The following EXOC4 variants were observed in gnomAD, a reference collection of about 807,000 sequenced individuals.
EXOC4 encodes the protein exocyst complex component 4.
EXOC4 carries 71 observed loss-of-function variants against 107.2 expected under a neutral mutation model. That is an observed-to-expected ratio of 0.66 (90% CI 0.55 to 0.81). The LOEUF (loss-of-function observed/expected upper bound fraction) is 0.81, where lower values mean the gene tolerates loss of function less well. Among genes scored for constraint, EXOC4 ranks in the 30% least tolerant of loss-of-function variants. The probability of loss-of-function intolerance (pLI) is 0.00; values close to 1 mark genes in which losing one functional copy is unlikely to be tolerated. For synonymous variants in EXOC4, 456 were observed against 441.2 expected (o/e 1.03, Z -0.42); for missense variants, 1,108 against 1,189.6 (o/e 0.93, Z 1.01).
chr7:133,259,427 A>T (rs1406633817), intron 1 of EXOC4, among the ~76,000 whole-genome samples: 1 of 151,960 alleles, frequency 6.6e-6, no homozygotes, highest in Non-Finnish European at 1.5e-5. Context: ...GGGTTTCACC[A>T]TGTTGGCCAG....
intron 5 of EXOC4, among the ~76,000 whole-genome samples, chr7:133,343,444 T>G (rs1276532510): frequency 2.0e-5 from 3 of 152,060 alleles, no homozygotes; most frequent in Non-Finnish European, 4.4e-5. Flanking sequence ...ACCTGGCTAA[T>G]TTTTGTATTT....
chr7:133,842,899 C>T (rs1318224996), intron 11 of EXOC4, among the ~76,000 whole-genome samples: 3 of 152,078 alleles, frequency 2.0e-5, no homozygotes, highest in African/African-American at 4.8e-5. Context: ...AATAGGGAGT[C>T]CATTCAATAA....
At chr7:133,705,020 T>G (rs1243853983) in intron 10 of EXOC4, among the ~76,000 whole-genome samples, 2 of 152,210 alleles carry the variant, frequency 1.3e-5, no homozygotes, top group Non-Finnish European at 2.9e-5. Context: ...AGTTAAGAAC[T>G]TTTACCTTTT....
Position 133,586,535 on chromosome 7 carries a change from G to A in EXOC4, c.1418-43510G>A, listed in dbSNP as rs903959060. 5.9e-5 allele frequency among the ~76,000 whole-genome samples: 9 copies of A among 152,152 alleles called. 1 individual carries two copies. The highest frequency in any genetic ancestry group is 2.2e-4 in the African/African-American group (9 of 41,424). On this transcript the variant is annotated intron_variant, in intron 9 of 17. Transcript: ENST00000253861. ...TCTACCATTGATGGACATTTAGGTT[G>A]ATTCCAGGAATGTCTTTGCTTTTGT...
intron 9 of EXOC4, among the ~76,000 whole-genome samples, chr7:133,595,079 A>C (rs1179993225): frequency 1.3e-5 from 2 of 152,114 alleles, no homozygotes; most frequent in African/African-American, 4.8e-5. Context: ...CAAGGAAACC[A>C]GTGTGGATGG....
In EXOC4 at chr7:133,475,445, C is replaced by A. The variant is rs780903574; in HGVS notation, c.1300C>A (p.Pro434Thr). 3.1e-6 allele frequency: 5 copies of A among 1,613,900 alleles called. No homozygotes were observed. In the East Asian group the frequency reaches 1.1e-4, roughly 36 times the overall value. Residue 434 changes from proline (P) to threonine (T), a missense_variant, in exon 8 of 18, where the codon CCT becomes ACT. Pro to Thr is a conservative substitution (Grantham distance 38, BLOSUM62 -1). Coordinates refer to ENST00000253861, the MANE Select transcript of EXOC4 (RefSeq NM_021807.4). ...EFAAFFAKKK[P>T]QRPKNSLFKF... Reference sequence around the variant, plus strand: ...TGCAGCCTTTTTTGCCAAGAAGAAACCTCAAAGGCCAAAAAATTCTCTTTT... The same window carrying A: ...TGCAGCCTTTTTTGCCAAGAAGAAAACTCAAAGGCCAAAAAATTCTCTTTT...
chr7:133,990,752 C>T (rs1794235542), intron 14 of EXOC4, among the ~76,000 whole-genome samples: 1 of 152,166 alleles, frequency 6.6e-6, no homozygotes, highest in Non-Finnish European at 1.5e-5. Flanking sequence ...CTGTGCCCCA[C>T]CAGGATTTTA....
chr7:133,306,716 C>T (rs1011457765), intron 4 of EXOC4, among the ~76,000 whole-genome samples: 7 of 151,272 alleles, frequency 4.6e-5, no homozygotes, highest in East Asian at 3.9e-4. Context: ...AAAAAAAAGA[C>T]AAAAAGAAAT....
chr7:133,386,032 GTTTT>G (rs559670925), intron 7 of EXOC4, among the ~76,000 whole-genome samples: 1 of 146,232 alleles, frequency 6.8e-6, no homozygotes, highest in Non-Finnish European at 1.5e-5. Context: ...AGGATTTCAA[GTTTT>G]TTTTTTTTAC....
intron 9 of EXOC4, among the ~76,000 whole-genome samples, chr7:133,539,639 G>T (rs1314398304): frequency 6.6e-6 from 1 of 152,072 alleles, no homozygotes; most frequent in Non-Finnish European, 1.5e-5. Context: ...TAAAATCAAT[G>T]TAGTAGCTTG....
chr7:134,099,522 CTTTTTTT>C, the EXOC4 span, among the ~76,000 whole-genome samples: 30 of 103,934 alleles, frequency 2.9e-4, no homozygotes, highest in African/African-American at 5.7e-4. Context: ...CATCACACTT[CTTTTTTT>C]TTTTTTTTTT....
intron 10 of EXOC4, among the ~76,000 whole-genome samples, chr7:133,810,761 G>A (rs1228589504): frequency 2.6e-5 from 4 of 151,990 alleles, no homozygotes; most frequent in Non-Finnish European, 2.9e-5. Context: ...TTCCCGAGTA[G>A]CTGGGTCTAC....
chr7:133,865,294 C>T (rs1798613746), intron 11 of EXOC4, among the ~76,000 whole-genome samples: 1 of 151,994 alleles, frequency 6.6e-6, no homozygotes, highest in African/African-American at 2.4e-5. Flanking sequence ...CAGATGAATA[C>T]ATAAATATAG....
At chr7:133,354,504 A>G (rs148501432) in intron 5 of EXOC4, among the ~76,000 whole-genome samples, 66 of 152,258 alleles carry the variant, frequency 4.3e-4, no homozygotes, top group Non-Finnish European at 5.9e-4. Flanking sequence ...TGGCTTTAAA[A>G]CGGGGAGCAA....
intron 10 of EXOC4, among the ~76,000 whole-genome samples, chr7:133,757,991 A>G (rs1324260612): frequency 2.0e-5 from 3 of 152,184 alleles, no homozygotes; most frequent in African/African-American, 7.2e-5. Context: ...AAGAAGGATC[A>G]CATTAATGGT....
intron 10 of EXOC4, among the ~76,000 whole-genome samples, chr7:133,689,872 A>G (rs1261727867): frequency 2.6e-5 from 4 of 152,230 alleles, no homozygotes; most frequent in Non-Finnish European, 4.4e-5. Flanking sequence ...TTGCAATTTT[A>G]GAATCAAGCA....
intron 17 of EXOC4, among the ~76,000 whole-genome samples, chr7:134,050,028 C>G (rs1180876664): frequency 1.3e-5 from 2 of 152,106 alleles, no homozygotes; most frequent in Non-Finnish European, 2.9e-5. Context: ...TCTCCAGGCT[C>G]TATTGTTAAG....
In EXOC4 at chr7:133,728,041, A is replaced by G. The variant is rs530115193; in HGVS notation, c.1515-89284A>G. ...CTTGGCAGTTTATTGCCTTGATAAC[A>G]GCAAATGAGTATCTGATTCTTCCTT... On this transcript the variant is annotated intron_variant, in intron 10 of 17. Transcript: ENST00000253861. Among the ~76,000 whole-genome samples the G allele has an allele frequency of 1.0e-3, 157 of 152,340 alleles. No homozygotes were observed. The South Asian group carries it at 0.018, about 18-fold the overall frequency.
intron 5 of EXOC4, among the ~76,000 whole-genome samples, chr7:133,347,753 A>G (rs974091088): frequency 5.1e-4 from 78 of 152,224 alleles, no homozygotes; most frequent in African/African-American, 1.8e-3. Context: ...GTGTGTGTGT[A>G]GGGGGCTGTG....
Sources: allele counts gnomAD v4.1 joint callset (sites outside exome capture counted in the v4.1 genomes callset), GRCh38; gene constraint gnomAD v4.1.1; transcripts MANE v1.5; gene names NCBI Gene and HGNC (gene_info 2026-07-23, HGNC 2026-07-21).